The following ADAMTS14 variants were observed in gnomAD, a reference collection of about 807,000 sequenced individuals.
ADAMTS14 encodes A disintegrin and metalloproteinase with thrombospondin motifs 14.
Under a neutral mutation model 128.6 loss-of-function variants are expected in ADAMTS14, and 100 were observed. The observed-to-expected ratio is 0.78, with a 90% CI of 0.66 to 0.92. The LOEUF (loss-of-function observed/expected upper bound fraction) is 0.92, where lower values mean the gene tolerates loss of function less well. ADAMTS14 is among the 40% of genes least tolerant of loss of function. The pLI is 0.00. For missense variants in ADAMTS14, 1,562 were observed against 1,658.6 expected, an observed-to-expected ratio of 0.94 and a Z score of 1.01; for synonymous variants, 665 against 653.8, an observed-to-expected ratio of 1.02 and a Z score of -0.26.
intron 12 of ADAMTS14, among the ~76,000 whole-genome samples, chr10:70,742,137 C>T (rs1207319385): frequency 2.0e-5 from 3 of 152,188 alleles, no homozygotes; most frequent in African/African-American, 7.2e-5. Context: ...AGCATCCTTG[C>T]AGGGGGTGTC....
At chr10:70,675,941 G>T (rs1414148039) in intron 2 of ADAMTS14, among the ~76,000 whole-genome samples, 2 of 152,144 alleles carry the variant, frequency 1.3e-5, no homozygotes, top group African/African-American at 4.8e-5. Context: ...AGATGGGGAG[G>T]GGTTGTGGGT....
chr10:70,674,500 T>A (rs996552329), intron 1 of ADAMTS14, 56 bp from the exon 2 acceptor site: 191 of 1,546,370 alleles, frequency 1.2e-4, no homozygotes, highest in Admixed American at 8.9e-5. Context: ...GATTTCTGAC[T>A]TCCCCTTACC....
intron 17 of ADAMTS14, 72 bp from the exon 18 acceptor site, chr10:70,752,023 G>T: frequency 6.4e-7 from 1 of 1,555,806 alleles, no homozygotes; most frequent in Non-Finnish European, 8.7e-7. Context: ...CACAGGTACT[G>T]CCCCTGAGGC....
At chr10:70,721,386 CTCTTT>C (rs1225076958) in intron 4 of ADAMTS14, among the ~76,000 whole-genome samples, 1 of 145,166 alleles carries the variant, frequency 6.9e-6, no homozygotes, top group African/African-American at 2.6e-5. Context: ...TTTTTTTTTT[CTCTTT>C]TCTTTTTGTT....
Position 70,744,089 on chromosome 10 carries a change from G to A in ADAMTS14, c.2082G>A (p.Val694=). 1 of 1,565,300 alleles carries A rather than the reference G, an allele frequency of 6.4e-7. No homozygotes were observed. ...AGCCTGTCGGCTGTGACAAGGAGGTGGGGTCCATGAAGGCGGATGACAAGT... is the reference window on the plus strand; with the variant it reads ...AGCCTGTCGGCTGTGACAAGGAGGTAGGGTCCATGAAGGCGGATGACAAGT... ...ECVPVGCDKE[V]GSMKADDKCG... is the part of the protein sequence containing the mutation. Residue 694 remains valine, a synonymous_variant, in exon 14 of 22, where the codon GTG becomes GTA. Coordinates refer to ENST00000373207, the MANE Select transcript of ADAMTS14 (RefSeq NM_080722.4).
intron 2 of ADAMTS14, among the ~76,000 whole-genome samples, chr10:70,698,664 G>T (rs189981102): frequency 1.1e-4 from 16 of 152,316 alleles, no homozygotes; most frequent in African/African-American, 3.4e-4. Context: ...GGGAGGTTCC[G>T]CCCTGATCCC....
intron 19 of ADAMTS14, among the ~76,000 whole-genome samples, chr10:70,755,896 A>G (rs1842470345): frequency 6.6e-6 from 1 of 152,184 alleles, no homozygotes; most frequent in Admixed American, 6.5e-5. Flanking sequence ...TGTTATATAG[A>G]TATTACCCCA....
chr10:70,749,405 A>C lies in ADAMTS14; in HGVS notation c.2264-417A>C, dbSNP rs1276503194. 3.3e-5 allele frequency among the ~76,000 whole-genome samples: 5 copies of C among 152,122 alleles called. No individual in the cohort carries two copies. The East Asian group carries it at 9.6e-4, about 29-fold the overall frequency. On this transcript the variant is annotated intron_variant, in intron 15 of 21. Coordinates refer to ENST00000373207, the MANE Select transcript of ADAMTS14 (RefSeq NM_080722.4). Reference sequence around the variant, plus strand: ...TTCCTCACCATCAATCCGACTCCAGAGTCTGTACTCTCAGCCTCTATGCTC... The same window carrying C: ...TTCCTCACCATCAATCCGACTCCAGCGTCTGTACTCTCAGCCTCTATGCTC...
intron 8 of ADAMTS14, among the ~76,000 whole-genome samples, 187 bp downstream of exon 8, chr10:70,734,215 G>A (rs550402196): frequency 6.6e-6 from 1 of 152,294 alleles, no homozygotes; most frequent in Admixed American, 6.5e-5. Context: ...TTAGTCTAGT[G>A]TTTCAGAACG....
At chr10:70,713,773 A>C (rs1035856034) in intron 4 of ADAMTS14, among the ~76,000 whole-genome samples, 1 of 152,206 alleles carries the variant, frequency 6.6e-6, no homozygotes. Flanking sequence ...ACCTGTGCCC[A>C]GAAGGCAAGC....
chr10:70,678,347 C>T (rs1839705412), intron 2 of ADAMTS14, among the ~76,000 whole-genome samples: 2 of 152,198 alleles, frequency 1.3e-5, no homozygotes, highest in Non-Finnish European at 2.9e-5. Context: ...CCAGTAGTTT[C>T]AGCATTCACT....
At chr10:70,753,028 C>T (rs1233757983) in intron 18 of ADAMTS14, among the ~76,000 whole-genome samples, 1 of 152,252 alleles carries the variant, frequency 6.6e-6, no homozygotes, top group African/African-American at 2.4e-5. Flanking sequence ...AATCACAGAA[C>T]ATGCAGTTTA....
intron 3 of ADAMTS14, among the ~76,000 whole-genome samples, chr10:70,704,744 CACAT>C (rs1264637918): frequency 6.6e-6 from 1 of 151,194 alleles, no homozygotes; most frequent in Non-Finnish European, 1.5e-5. Flanking sequence ...CAGTCATGCT[CACAT>C]ACTGATGCAA....
chr10:70,706,600 G>C (rs542476209), intron 3 of ADAMTS14, among the ~76,000 whole-genome samples: 6 of 152,182 alleles, frequency 3.9e-5, no homozygotes, highest in Non-Finnish European at 7.4e-5. Flanking sequence ...TGTGAGCTTA[G>C]AGCGGTGCCA....
intron 2 of ADAMTS14, among the ~76,000 whole-genome samples, chr10:70,690,582 G>A (rs1475472154): frequency 6.9e-6 from 1 of 145,250 alleles, no homozygotes; most frequent in Non-Finnish European, 1.6e-5. Flanking sequence ...ACATTTATGT[G>A]CGTGATCTCA....
chr10:70,702,199 C>T, intron 2 of ADAMTS14, 113 bp from the exon 3 acceptor site: 5 of 1,467,450 alleles, frequency 3.4e-6, no homozygotes, highest in African/African-American at 1.4e-5. Flanking sequence ...GAGGAAGAGC[C>T]TGCAAGCATG....
intron 4 of ADAMTS14, among the ~76,000 whole-genome samples, chr10:70,724,078 C>T (rs1841353741): frequency 6.6e-6 from 1 of 152,198 alleles, no homozygotes. Flanking sequence ...GCCTGGCACA[C>T]AGTAGGTGCT....
Position 70,753,929 on chromosome 10 carries a change from C to A in ADAMTS14, c.2859C>A (p.Ala953=). Reference sequence around the variant, plus strand: ...AGGTCATGCCGGCCAAAGCCTGCGCCGGGGACCGGCCTGAGGCCCGACGGC... The same window carrying A: ...AGGTCATGCCGGCCAAAGCCTGCGCAGGGGACCGGCCTGAGGCCCGACGGC... The part of the protein sequence containing the change: ...THKVMPAKAC[A]GDRPEARRPC... Residue 953 remains alanine (A), a synonymous_variant, in exon 19 of 22, where the codon GCC becomes GCA. Transcript: ENST00000373207. 6.3e-7 allele frequency: 1 copy of A among 1,588,208 alleles called. No homozygotes were observed. Among genetic ancestry groups the A allele is most frequent in the African/African-American group, 1.3e-5 (1 of 74,748 alleles).
intron 16 of ADAMTS14, among the ~76,000 whole-genome samples, chr10:70,750,761 T>C (rs888808241): frequency 3.9e-5 from 6 of 152,226 alleles, no homozygotes; most frequent in Non-Finnish European, 7.3e-5. Flanking sequence ...GAATAGTCTC[T>C]TCAAAATATG....
Sources: allele counts gnomAD v4.1 joint callset (sites outside exome capture counted in the v4.1 genomes callset), GRCh38; gene constraint gnomAD v4.1.1; transcripts MANE v1.5; gene names NCBI Gene and HGNC (gene_info 2026-07-23, HGNC 2026-07-21).